SH3PXD2A: variants seen among roughly 807,000 people sequenced by gnomAD.
SH3PXD2A encodes SH3 and PX domain-containing protein 2A.
In SH3PXD2A, 32 loss-of-function variants were observed where a neutral mutation model predicts 115.2. The ratio of observed to expected loss-of-function variants is 0.28; its 90% confidence interval spans 0.21 to 0.37. The LOEUF is 0.37. SH3PXD2A is among the 10% of genes least tolerant of loss of function. The probability of loss-of-function intolerance (pLI) is 1.00; values close to 1 mark genes in which losing one functional copy is unlikely to be tolerated. For missense variants in SH3PXD2A, 1,328 were observed against 1,498.7 expected (o/e 0.89, Z 1.88); for synonymous variants, 610 against 629.1 (o/e 0.97, Z 0.45).
intron 4 of SH3PXD2A, among the ~76,000 whole-genome samples, chr10:103,731,158 C>T (rs932887596): frequency 1.3e-5 from 2 of 150,510 alleles, no homozygotes; most frequent in Admixed American, 6.6e-5. Context: ...GAAGGAGTCC[C>T]GTTTTTGTTT....
intron 5 of SH3PXD2A, among the ~76,000 whole-genome samples, chr10:103,700,410 T>G (rs2037878844): frequency 6.6e-6 from 1 of 152,180 alleles, no homozygotes; most frequent in South Asian, 2.1e-4. Context: ...GGGGCTAGAC[T>G]AGGAGTGTGG....
intron 3 of SH3PXD2A, among the ~76,000 whole-genome samples, chr10:103,747,939 C>T (rs1386472704): frequency 3.9e-5 from 6 of 152,116 alleles, no homozygotes; most frequent in Non-Finnish European, 7.4e-5. Context: ...TTTGAACCAC[C>T]GCGCCTGTCC....
intron 1 of SH3PXD2A, among the ~76,000 whole-genome samples, chr10:103,824,063 C>T (rs1020556546): frequency 2.6e-5 from 4 of 152,156 alleles, no homozygotes; most frequent in African/African-American, 7.2e-5. Context: ...TATTGGCTTG[C>T]GGGGCTATTT....
In SH3PXD2A at chr10:103,611,783, G is replaced by A. The variant is rs564593474; in HGVS notation, c.1259-153C>T. On this transcript the variant is annotated intron_variant, in intron 12 of 14. Coordinates refer to ENST00000369774, the MANE Select transcript of SH3PXD2A (RefSeq NM_001394015.1). ...GACTTGACACTCTAAGTCACTATGG[G>A]CACTGTGGTTGGGCTTTTTCAAGGG... 1.1e-3 allele frequency among the ~76,000 whole-genome samples: 167 copies of A among 152,284 alleles called. 3 individuals are homozygous for A. In the South Asian group the frequency reaches 0.032, roughly 29 times the overall value.
In SH3PXD2A at chr10:103,603,449, T is replaced by G. The variant is rs775618751; in HGVS notation, c.1769A>C (p.His590Pro). The stretch of plus-strand genomic sequence containing the variant: ...CAGAGAAGAGGCCGGCGAGGGCCGG[T>G]GGGGCTGGGCAGGCCGCCTCTCCCC... ...ASGERRPAQPHRPSPASSLQR... is the reference protein window; with the variant it reads ...ASGERRPAQPPRPSPASSLQR... The change falls in exon 15 of 15, where the codon CAC becomes CCC. Residue 590 changes from histidine (H) to proline (P), a missense_variant. By Grantham distance (77) the His-to-Pro change is moderately conservative. Coordinates refer to ENST00000369774, the MANE Select transcript of SH3PXD2A (RefSeq NM_001394015.1). The G allele has an allele frequency of 6.2e-7, 1 of 1,612,942 alleles. No homozygotes were observed. Among genetic ancestry groups the G allele is most frequent in the African/African-American group, 1.3e-5 (1 of 74,916 alleles).
chr10:103,761,408 G>C (rs1301255823), intron 3 of SH3PXD2A, among the ~76,000 whole-genome samples: 1 of 151,986 alleles, frequency 6.6e-6, no homozygotes, highest in Non-Finnish European at 1.5e-5. Context: ...AAAATAAAAA[G>C]TTTAAAAAAA....
chr10:103,716,987 G>A (rs2038112820), intron 5 of SH3PXD2A, among the ~76,000 whole-genome samples: 1 of 152,230 alleles, frequency 6.6e-6, no homozygotes, highest in South Asian at 2.1e-4. Flanking sequence ...CACTGGCCTT[G>A]GCAGTGCTGA....
chr10:103,692,925 A>ACC, intron 6 of SH3PXD2A, 103 bp downstream of exon 6: 5 of 908,278 alleles, frequency 5.5e-6, no homozygotes, highest in Non-Finnish European at 5.2e-6. Flanking sequence ...TGCAAGGACA[A>ACC]CCCCCCCCTC....
intron 3 of SH3PXD2A, 97 bp downstream of exon 3, chr10:103,766,997 G>A (rs1438979052): frequency 1.4e-5 from 12 of 883,988 alleles, no homozygotes; most frequent in South Asian, 4.3e-5. Context: ...GGCATGCCCC[G>A]CCCAGAATCT....
Position 103,716,028 on chromosome 10 carries a change from G to A in SH3PXD2A, c.398+8242C>T, listed in dbSNP as rs144006175. Among the ~76,000 whole-genome samples the A allele has an allele frequency of 3.9e-3, 588 of 152,328 alleles. 2 individuals are homozygous for A. The highest frequency in any genetic ancestry group is 5.5e-3 in the Admixed American group (84 of 15,302). ...ACAACCATCCCCAAAATATAAATGG[G>A]AGGGGAGGATGAGAAAGTCATGCAG... On this transcript the variant is annotated intron_variant, in intron 5 of 14. Transcript: ENST00000369774.
At chr10:103,739,596 T>C (rs1478105672) in intron 3 of SH3PXD2A, among the ~76,000 whole-genome samples, 3 of 152,112 alleles carry the variant, frequency 2.0e-5, no homozygotes, top group Non-Finnish European at 4.4e-5. Flanking sequence ...AAAATCCCCA[T>C]GAAGGAAGCC....
intron 3 of SH3PXD2A, among the ~76,000 whole-genome samples, chr10:103,761,541 A>C (rs897343038): frequency 1.3e-5 from 2 of 152,242 alleles, no homozygotes; most frequent in Non-Finnish European, 2.9e-5. Context: ...GTTTAATTGC[A>C]AGAAAAATAT....
chr10:103,797,932 C>A (rs562279689), intron 2 of SH3PXD2A, among the ~76,000 whole-genome samples: 2 of 152,076 alleles, frequency 1.3e-5, no homozygotes, highest in South Asian at 4.2e-4. Context: ...ACAGAGGGTC[C>A]ATGTGCTGTT....
chr10:103,738,197 T>C (rs890606531), intron 3 of SH3PXD2A, among the ~76,000 whole-genome samples: 4 of 152,168 alleles, frequency 2.6e-5, no homozygotes, highest in African/African-American at 7.2e-5. Context: ...CTGCCCTGCG[T>C]CCCTCTCGAA....
At chr10:103,684,970 T>C (rs2037658449) in intron 6 of SH3PXD2A, among the ~76,000 whole-genome samples, 1 of 151,364 alleles carries the variant, frequency 6.6e-6, no homozygotes, top group Non-Finnish European at 1.5e-5. Flanking sequence ...CAGTGAGCTG[T>C]GGTTGTGCCA....
rs1157592493 is a variant in SH3PXD2A at position 103,597,574 on chromosome 10, A to G, written c.*4242T>C. The G allele has an allele frequency of 6.6e-6, 1 of 152,452 alleles. No homozygotes were observed. The highest frequency in any genetic ancestry group is 1.5e-5 in the Non-Finnish European group (1 of 68,052). 9.4% of individuals were successfully genotyped at this position (152,452 alleles called of 1,614,324 possible). ...CTGGGTGGATCTGGCAGGGACCCCT[A>G]TCATCTTCCCAAAGAAGGGGGAGAG... On this transcript the variant is annotated 3_prime_UTR_variant, in exon 15 of 15. Transcript: ENST00000369774.
intron 3 of SH3PXD2A, among the ~76,000 whole-genome samples, chr10:103,741,352 C>T (rs529259895): frequency 6.6e-6 from 1 of 152,330 alleles, no homozygotes; most frequent in South Asian, 2.1e-4. Flanking sequence ...GGCACAGTTC[C>T]ATGCTGCCTC....
At chr10:103,617,423 A>T in intron 10 of SH3PXD2A, 109 bp from the exon 11 acceptor site, 1 of 764,856 alleles carries the variant, frequency 1.3e-6, no homozygotes, top group South Asian at 1.6e-5. Flanking sequence ...CTTGCCAAGA[A>T]GGTCCACTGG....
chr10:103,686,834 A>G lies in SH3PXD2A; in HGVS notation c.427+6194T>C, dbSNP rs566205129. On this transcript the variant is annotated intron_variant, in intron 6 of 14. Transcript: ENST00000369774. The stretch of plus-strand genomic sequence containing the variant: ...ATGATCTCGGCTCACTGCAACCTCC[A>G]CCTCCTGGGTTCAAGATTCTCCCTG... Among the ~76,000 whole-genome samples the G allele has an allele frequency of 8.0e-5, 11 of 137,798 alleles. No individual in the cohort carries two copies. The South Asian group carries it at 2.5e-3, about 32-fold the overall frequency. 90.4% of individuals were successfully genotyped at this position (137,798 alleles called of 152,430 possible).
Sources: gnomAD v4.1 joint callset for allele counts (sites outside exome capture counted in the v4.1 genomes callset) on GRCh38, gnomAD v4.1.1 for gene constraint, MANE v1.5 for transcripts, NCBI Gene and HGNC (gene_info 2026-07-23, HGNC 2026-07-21) for gene names.